NCKAP5: variants seen among roughly 807,000 people sequenced by gnomAD.
NCKAP5 encodes NCK associated protein 5, also known as nck-associated protein 5.
NCKAP5 carries 92 observed loss-of-function variants against 167.0 expected under a neutral mutation model. The observed-to-expected ratio is 0.55, with a 90% CI of 0.47 to 0.66. The LOEUF (loss-of-function observed/expected upper bound fraction) is 0.66, where lower values mean the gene tolerates loss of function less well. Ranked by LOEUF, NCKAP5 falls within the 30% of genes least tolerant of loss-of-function variation. The pLI is 0.00. For synonymous variants in NCKAP5, 891 were observed against 877.4 expected (o/e 1.02, Z -0.27); for missense variants, 2,378 against 2,315.0 (o/e 1.03, Z -0.56).
intron 3 of NCKAP5, among the ~76,000 whole-genome samples, chr2:133,384,717 C>G (rs1664208665): frequency 6.6e-6 from 1 of 152,130 alleles, no homozygotes; most frequent in Admixed American, 6.6e-5. Context: ...TTGTTTGTGT[C>G]CTCTTTTATT....
At chr2:133,516,038 G>A (rs1175437733) in intron 3 of NCKAP5, among the ~76,000 whole-genome samples, 2 of 152,218 alleles carry the variant, frequency 1.3e-5, no homozygotes, top group Non-Finnish European at 2.9e-5. Context: ...TGGCTTTGGG[G>A]ACCAACCAAT....
At chr2:133,583,240 C>T in the NCKAP5 span, among the ~76,000 whole-genome samples, 1 of 152,160 alleles carries the variant, frequency 6.6e-6, no homozygotes, top group African/African-American at 2.4e-5. Flanking sequence ...GGATCCCTCA[C>T]CTCCTCATGG....
At chr2:133,556,235 C>G (rs911276970) in intron 2 of NCKAP5, among the ~76,000 whole-genome samples, 1 of 152,138 alleles carries the variant, frequency 6.6e-6, no homozygotes, top group South Asian at 2.1e-4. Flanking sequence ...TACTTAGGTG[C>G]AATTATCTGT....
At chr2:132,731,598 G>T (rs1691011054) in intron 17 of NCKAP5, 139 bp downstream of exon 17, 1 of 848,450 alleles carries the variant, frequency 1.2e-6, no homozygotes, top group Non-Finnish European at 1.8e-6. Context: ...TGTTTTGCTT[G>T]TTGGTGAAGG....
intron 18 of NCKAP5, among the ~76,000 whole-genome samples, 179 bp from the exon 19 acceptor site, chr2:132,725,938 C>T (rs1690419119): frequency 6.6e-6 from 1 of 152,176 alleles, no homozygotes; most frequent in African/African-American, 2.4e-5. Flanking sequence ...TTTCTGCCTC[C>T]TGAGGAGCTG....
chr2:133,429,192 G>C (rs1690000268), intron 3 of NCKAP5, among the ~76,000 whole-genome samples: 1 of 152,142 alleles, frequency 6.6e-6, no homozygotes, highest in African/African-American at 2.4e-5. Flanking sequence ...TCTAAATACA[G>C]TGCCTCAGAA....
chr2:133,199,226 T>C (rs2085567295), intron 5 of NCKAP5, among the ~76,000 whole-genome samples: 1 of 151,454 alleles, frequency 6.6e-6, no homozygotes, highest in Non-Finnish European at 1.5e-5. Flanking sequence ...ACAGAAAGCA[T>C]AAACTAGAAA....
the NCKAP5 span, among the ~76,000 whole-genome samples, chr2:133,576,697 A>G: frequency 6.6e-6 from 1 of 152,236 alleles, no homozygotes; most frequent in Non-Finnish European, 1.5e-5. Flanking sequence ...AGAGGGGGTA[A>G]CTAAGATTGT....
At chr2:133,566,104 G>A (rs753709373) in intron 1 of NCKAP5, among the ~76,000 whole-genome samples, 5 of 152,176 alleles carry the variant, frequency 3.3e-5, no homozygotes, top group African/African-American at 9.7e-5. Flanking sequence ...GACAAGGAAG[G>A]CTCCAGAGAG....
chr2:132,807,566 G>A (rs1685536015), intron 11 of NCKAP5, among the ~76,000 whole-genome samples: 1 of 152,170 alleles, frequency 6.6e-6, no homozygotes, highest in East Asian at 1.9e-4. Context: ...CTTGGTTGCT[G>A]TTGGTATATA....
At chr2:133,052,117 T>C (rs1195491382) in intron 6 of NCKAP5, among the ~76,000 whole-genome samples, 4 of 152,218 alleles carry the variant, frequency 2.6e-5, no homozygotes, top group Non-Finnish European at 5.9e-5. Flanking sequence ...GCAGTACAAG[T>C]TAAATTTCTT....
chr2:133,133,279 T>G (rs2082675687), intron 5 of NCKAP5, among the ~76,000 whole-genome samples: 1 of 152,162 alleles, frequency 6.6e-6, no homozygotes, highest in Admixed American at 6.5e-5. Flanking sequence ...CAGCAACAGC[T>G]CTCTTTCTGC....
intron 4 of NCKAP5, among the ~76,000 whole-genome samples, chr2:133,271,620 G>A (rs1173521529): frequency 6.6e-6 from 1 of 152,146 alleles, no homozygotes; most frequent in Non-Finnish European, 1.5e-5. Context: ...AAAAGTCAGT[G>A]TTCATAGAGA....
chr2:133,067,655 T>A (rs919440492), intron 6 of NCKAP5, among the ~76,000 whole-genome samples: 4 of 152,186 alleles, frequency 2.6e-5, no homozygotes, highest in Non-Finnish European at 4.4e-5. Flanking sequence ...TCTGGGAATG[T>A]AGGGAAAAGT....
At chr2:132,814,860 C>A (rs1476551539) in intron 11 of NCKAP5, among the ~76,000 whole-genome samples, 1 of 152,112 alleles carries the variant, frequency 6.6e-6, no homozygotes, top group Non-Finnish European at 1.5e-5. Context: ...AACAATGTTT[C>A]CATTGTTTTT....
chr2:132,748,656 T>C (rs1397992587), intron 16 of NCKAP5, among the ~76,000 whole-genome samples: 1 of 152,202 alleles, frequency 6.6e-6, no homozygotes, highest in Non-Finnish European at 1.5e-5. Context: ...CTCTCCCTGT[T>C]TCAAAGAAAT....
At position 133,055,262 on chromosome 2, in the gene NCKAP5, T is replaced by C. The variant is rs546509116; in HGVS notation, c.342-61023A>G. On this transcript the variant is annotated intron_variant, in intron 6 of 19. Coordinates refer to ENST00000409261, the MANE Select transcript of NCKAP5 (RefSeq NM_207363.3). ...AATCATCCAAAAAACAAAAAAAGAA[T>C]AGAAAACAGGTATCAAAAGTGATAC... 4.6e-5 allele frequency among the ~76,000 whole-genome samples: 7 copies of C among 151,882 alleles called. No homozygotes were observed. In the East Asian group the frequency reaches 1.4e-3, roughly 29 times the overall value.
chr2:132,963,828 C>T lies in NCKAP5; in HGVS notation c.471G>A (p.Leu157=). 1 of 1,613,836 alleles carries T rather than the reference C, an allele frequency of 6.2e-7. No homozygotes were observed. The highest frequency in any genetic ancestry group is 8.5e-7 in the Non-Finnish European group (1 of 1,179,852). ...CATCAACCACCATGTGAAGATCTTC[C>T]AAAGCTTCCTTATGTTTTCTCTCTT... The part of the protein sequence containing the change: ...SEEERKHKEA[L]EDLHMVVDED... The change falls in exon 8 of 20, where the codon TTG becomes TTA. Residue 157 remains leucine (L), a synonymous_variant. Transcript: ENST00000409261.
At chr2:133,160,408 C>CTTTTTTTTTTT (rs59557631) in intron 5 of NCKAP5, among the ~76,000 whole-genome samples, 11 of 121,134 alleles carry the variant, frequency 9.1e-5, no homozygotes, top group East Asian at 5.0e-4. Context: ...AGGTCACATT[C>CTTTTTTTTTTT]TTTTTTTTTT....
Sources: gnomAD v4.1 joint callset for allele counts (sites outside exome capture counted in the v4.1 genomes callset) on GRCh38, gnomAD v4.1.1 for gene constraint, MANE v1.5 for transcripts, NCBI Gene and HGNC (gene_info 2026-07-23, HGNC 2026-07-21) for gene names.